The following FGF17 variants were observed in gnomAD, a reference collection of about 807,000 sequenced individuals.
The protein encoded by FGF17 is fibroblast growth factor 17.
FGF17 carries 5 observed loss-of-function variants against 23.5 expected under a neutral mutation model. The observed-to-expected ratio is 0.21, with a 90% CI of 0.11 to 0.45. The LOEUF (loss-of-function observed/expected upper bound fraction) is 0.45, where lower values mean the gene tolerates loss of function less well. Among genes scored for constraint, FGF17 ranks in the 20% least tolerant of loss-of-function variants. FGF17 has a pLI of 0.99. For synonymous variants in FGF17, 136 were observed against 123.0 expected, an observed-to-expected ratio of 1.11 and a Z score of -0.70; for missense variants, 221 against 306.9, an observed-to-expected ratio of 0.72 and a Z score of 2.09.
chr8:22,047,848 C>A, intron 4 of FGF17, 108 bp from the exon 5 acceptor site: 1 of 1,107,214 alleles, frequency 9.0e-7, no homozygotes, highest in Non-Finnish European at 1.3e-6. Context: ...GCTCACGGCC[C>A]CGTTGTTCCC....
At chr8:22,043,076 G>C (rs1176347490) in intron 1 of FGF17, 69 bp from the exon 2 acceptor site, 1 of 1,599,796 alleles carries the variant, frequency 6.3e-7, no homozygotes, top group Non-Finnish European at 8.5e-7. Context: ...GGGCGGGGGC[G>C]GGGGCCTGGG....
At chr8:22,047,697 C>T (rs1332479167) in intron 4 of FGF17, among the ~76,000 whole-genome samples, 7 of 152,254 alleles carry the variant, frequency 4.6e-5, no homozygotes, top group Non-Finnish European at 1.0e-4. Context: ...TGATCTTCAC[C>T]TACATCTCAG....
chr8:22,040,579 A>G (rs1800722426), upstream of FGF17, among the ~76,000 whole-genome samples: 2 of 152,236 alleles, frequency 1.3e-5, no homozygotes, highest in African/African-American at 2.4e-5. Context: ...ATCTGTTACC[A>G]TGGAGACCCA....
At chr8:22,045,141 A>T (rs935825059) in intron 2 of FGF17, 1 of 985,398 alleles carries the variant, frequency 1.0e-6, no homozygotes, top group African/African-American at 1.7e-5. Flanking sequence ...CAGATGGGTA[A>T]CGAGAGACCT....
upstream of FGF17, among the ~76,000 whole-genome samples, chr8:22,039,775 G>T (rs550582642): frequency 5.3e-5 from 8 of 152,204 alleles, no homozygotes; most frequent in Admixed American, 3.3e-4. Flanking sequence ...CATTGCTAGG[G>T]TGCCCTTTGC....
chr8:22,042,407 C>G (rs764809420), upstream of FGF17: 1 of 170,892 alleles, frequency 5.9e-6, no homozygotes, highest in Non-Finnish European at 1.3e-5. Flanking sequence ...AACCAGAGAC[C>G]CCAGCCCCAC....
chr8:22,047,775 G>A (rs1283578522), intron 4 of FGF17, among the ~76,000 whole-genome samples, 181 bp from the exon 5 acceptor site: 1 of 152,234 alleles, frequency 6.6e-6, no homozygotes, highest in Non-Finnish European at 1.5e-5. Flanking sequence ...CACAAAGCGT[G>A]TTCTTGTTGG....
chr8:22,045,937 G>T, intron 2 of FGF17, 177 bp from the exon 3 acceptor site: 2 of 1,516,984 alleles, frequency 1.3e-6, no homozygotes, highest in Non-Finnish European at 1.8e-6. Context: ...AAAGCAAAGA[G>T]GTTATGACCG....
rs768440539 is a variant in FGF17, at chr8:22,046,255, C to T, written c.214C>T (p.Arg72Cys). 38 of 1,613,684 alleles carry T rather than the reference C, an allele frequency of 2.4e-5. No individual in the cohort carries two copies. Among genetic ancestry groups the T allele is most frequent in the East Asian group, 2.2e-5 (1 of 44,892 alleles). Residue 72 changes from arginine to cysteine, a missense_variant, in exon 3 of 5, where the codon CGC (arginine) becomes TGC (cysteine). Around this residue, in one of 3 missense-constraint regions of FGF17, gnomAD observed 58 missense variants for 121.0 expected, o/e 0.48. Transcript: ENST00000359441. ...CAAGCACGTGCAGGTCACCGGGCGT[C>T]GCATCTCCGCCACCGCCGAGGACGG... ...SGKHVQVTGR[R>C]ISATAEDGNK...
upstream of FGF17, chr8:22,042,810 C>G (rs1800760970): frequency 9.7e-7 from 1 of 1,025,848 alleles, no homozygotes; most frequent in Non-Finnish European, 1.5e-6. Context: ...CCTCGCCCCC[C>G]TGAAAACCTG....
chr8:22,043,290 T>C, intron 2 of FGF17, 109 bp downstream of exon 2: 1 of 1,119,152 alleles, frequency 8.9e-7, no homozygotes, highest in South Asian at 1.3e-5. Flanking sequence ...GTCTGGCCTC[T>C]CCCTGGGTCC....
intron 2 of FGF17, among the ~76,000 whole-genome samples, chr8:22,044,094 G>T (rs769274000): frequency 3.3e-5 from 5 of 151,988 alleles, no homozygotes. Context: ...ACATCCAGGG[G>T]GAGCCAGAAG....
At position 22,048,206 on chromosome 8, in the gene FGF17, C is replaced by A; in HGVS notation, c.608C>A (p.Thr203Asn). 1 of 1,611,220 alleles carries A rather than the reference C, an allele frequency of 6.2e-7. No homozygotes were observed. The highest frequency in any genetic ancestry group is 2.2e-5 in the East Asian group (1 of 44,802). Residue 203 changes from threonine to asparagine, a missense_variant, in exon 5 of 5, where the codon ACC becomes AAC. Thr to Asn is a moderately conservative substitution (Grantham distance 65). This residue lies in a region of FGF17 where 128 missense variants were observed against 150.4 expected (regional missense o/e 0.85). Coordinates refer to ENST00000359441, the MANE Select transcript of FGF17 (RefSeq NM_003867.4). The surrounding 1 kb of genome is among the most constrained non-coding windows in gnomAD (Gnocchi z 6.9). Reference sequence around the variant, plus strand: ...TTCGAGTTTGTGGGCTCCGCCCCCACCCGCCGGACCAAGCGCACACGGCGG... The same window carrying A: ...TTCGAGTTTGTGGGCTCCGCCCCCAACCGCCGGACCAAGCGCACACGGCGG... The part of the protein sequence containing the change: ...KQFEFVGSAP[T>N]RRTKRTRRPQ...
At position 22,048,253 on chromosome 8, in the gene FGF17, G is replaced by A; in HGVS notation, c.*4G>A. On this transcript the variant is annotated 3_prime_UTR_variant, in exon 5 of 5. Transcript: ENST00000359441. This position sits in a 1 kb window ranked among gnomAD's most constrained non-coding sequence, Gnocchi z 6.9. ...GCGGCCCCAGCCCCTCACGTAGTCT[G>A]GGAGGCAGGGGGCAGCAGCCCCTGG... 1 of 1,591,668 alleles carries A rather than the reference G, an allele frequency of 6.3e-7. No individual in the cohort carries two copies. Among genetic ancestry groups the A allele is most frequent in the Non-Finnish European group, 8.6e-7 (1 of 1,168,252 alleles).
At chr8:22,044,580 G>C in intron 2 of FGF17, 3 of 636,460 alleles carry the variant, frequency 4.7e-6, no homozygotes, top group Non-Finnish European at 5.9e-6. Flanking sequence ...CTGAACCTGG[G>C]CCAGGAGGCG....
Position 22,045,402 on chromosome 8 carries a change from GCCCAGC to G in FGF17, c.73-693_73-688del, listed in dbSNP as rs1245182456. The G allele has an allele frequency of 1.3e-5, 13 of 989,826 alleles. No individual in the cohort carries two copies. The African/African-American group carries it at 2.1e-4, about 16-fold the overall frequency. The allele number at this position is 989,826 out of a possible 1,614,324, so 61.3% of individuals were successfully genotyped here. On this transcript the variant is annotated intron_variant, in intron 2 of 4. Transcript: ENST00000359441. Reference sequence around the variant, plus strand: ...CCTTGCCTGCCTGCTGTCCCATAGTGCCCAGCCCCAGCCCCAGCCCCAGCTCCAGCC... The same window carrying G: ...CCTTGCCTGCCTGCTGTCCCATAGTGCCCAGCCCCAGCCCCAGCTCCAGCC...
At position 22,048,074 on chromosome 8, in the gene FGF17, C is replaced by G. The variant is rs1246231526; in HGVS notation, c.476C>G (p.Pro159Arg). The change falls in exon 5 of 5, where the codon CCC (proline) becomes CGC (arginine). Residue 159 changes from proline to arginine, a missense_variant. Coordinates refer to ENST00000359441, the MANE Select transcript of FGF17 (RefSeq NM_003867.4). The surrounding 1 kb of genome is among the most constrained non-coding windows in gnomAD (Gnocchi z 6.9). ...WFMAFTRQGR[P>R]RQASRSRQNQ... ...ATGGCCTTCACGCGGCAGGGGCGGC[C>G]CCGCCAGGCTTCCCGCAGCCGCCAG... is the stretch of plus-strand genomic sequence containing the variant. The G allele has an allele frequency of 6.2e-7, 1 of 1,612,846 alleles. No individual in the cohort carries two copies. The highest frequency in any genetic ancestry group is 2.2e-5 in the East Asian group (1 of 44,868).
rs2960137 is a variant in FGF17, at chr8:22,046,307, C to G, written c.250+16C>G. On this transcript the variant is annotated intron_variant, in intron 3 of 4. Transcript: ENST00000359441. ...AACAAGTTTGGTGAGAGTTGGCCCT[C>G]CCCCCAGGGCACCCACACCTCCACT... 1.1e-5 allele frequency: 17 copies of G among 1,607,926 alleles called. No individual in the cohort carries two copies. In the South Asian group the frequency reaches 1.4e-4, roughly 14 times the overall value.
In FGF17 at chr8:22,042,995, G is replaced by A. The variant is rs3176267; in HGVS notation, c.35+32G>A. On this transcript the variant is annotated intron_variant, in intron 1 of 4. Transcript: ENST00000359441. Reference sequence around the variant, plus strand: ...GTGCTACCTCTCCCACTGGAGTTTCGTTGCCATTTCCAGCCTCAGGGCAGC... The same window carrying A: ...GTGCTACCTCTCCCACTGGAGTTTCATTGCCATTTCCAGCCTCAGGGCAGC... 207 of 1,611,130 alleles carry A rather than the reference G, an allele frequency of 1.3e-4. 1 individual carries two copies. The African/African-American group carries it at 2.2e-3, about 17-fold the overall frequency.
Sources: allele counts gnomAD v4.1 joint callset (sites outside exome capture counted in the v4.1 genomes callset), GRCh38; gene constraint gnomAD v4.1.1; regional missense constraint gnomAD v4.1.1; non-coding constraint Gnocchi (gnomAD v3.1); transcripts MANE v1.5; gene names NCBI Gene and HGNC (gene_info 2026-07-23, HGNC 2026-07-21).